PRICKLE1: variants seen among roughly 807,000 people sequenced by gnomAD.
PRICKLE1 encodes the protein prickle planar cell polarity protein 1, also known as prickle-like protein 1.
PRICKLE1 carries 14 observed loss-of-function variants against 70.2 expected under a neutral mutation model. That is an observed-to-expected ratio of 0.20 (90% CI 0.13 to 0.31). The LOEUF (loss-of-function observed/expected upper bound fraction) is 0.31, where lower values mean the gene tolerates loss of function less well. PRICKLE1 is among the 10% of genes least tolerant of loss of function. The pLI, the probability that PRICKLE1 is intolerant of heterozygous loss-of-function variation, is 1.00. For missense variants in PRICKLE1, 821 were observed against 1,026.2 expected (o/e 0.80, Z 2.73); for synonymous variants, 357 against 379.9 (o/e 0.94, Z 0.70).
rs561019901 is a variant in PRICKLE1, at chr12:42,530,003, G to A, written c.-48-57439C>T. Among the ~76,000 whole-genome samples, 82 of 148,280 alleles carry A rather than the reference G, an allele frequency of 5.5e-4. 1 individual carries two copies. Among genetic ancestry groups the A allele is most frequent in the South Asian group, 1.1e-3 (5 of 4,734 alleles). ...ACTCTGTCATCCAGGCTGGAGTGCA[G>A]TGGCACTATCTTGGCCACTGCAACC... On this transcript the variant is annotated intron_variant, in intron 1 of 7. Transcript: ENST00000345127.
chr12:42,567,321 G>A (rs1477852820), intron 1 of PRICKLE1, among the ~76,000 whole-genome samples: 1 of 152,182 alleles, frequency 6.6e-6, no homozygotes, highest in Admixed American at 6.5e-5. Context: ...TGTACTTTGT[G>A]AACTTGTTTT....
chr12:42,458,761 C>T lies in PRICKLE1; in HGVS notation c.*1048G>A, dbSNP rs1235854933. On this transcript the variant is annotated 3_prime_UTR_variant, in exon 8 of 8. Coordinates refer to ENST00000345127, the MANE Select transcript of PRICKLE1 (RefSeq NM_153026.3). ...TGCTGAAAATGAGAAAGGCACCCCC[C>T]GCAGGCAGGGGGAAAAAACCCACTC... The T allele has an allele frequency of 2.6e-5, 4 of 152,230 alleles. No homozygotes were observed. The highest frequency in any genetic ancestry group is 1.9e-4 in the East Asian group (1 of 5,202). 9.4% of individuals were successfully genotyped at this position (152,230 alleles called of 1,614,324 possible).
intron 1 of PRICKLE1, among the ~76,000 whole-genome samples, chr12:42,558,790 T>C (rs1452674465): frequency 1.3e-5 from 2 of 152,310 alleles, no homozygotes; most frequent in East Asian, 1.9e-4. Flanking sequence ...TGATATTGTA[T>C]AAAACTCAGC....
rs566928455 is a variant in PRICKLE1 at position 42,522,773 on chromosome 12, G to A, written c.-48-50209C>T. 3.1e-4 allele frequency among the ~76,000 whole-genome samples: 47 copies of A among 152,122 alleles called. 1 individual carries two copies. The highest frequency in any genetic ancestry group is 8.3e-4 in the South Asian group (4 of 4,824). On this transcript the variant is annotated intron_variant, in intron 1 of 7. Transcript: ENST00000345127. The stretch of plus-strand genomic sequence containing the variant: ...TAGCAAATAGAATCTTTTTTAAAGC[G>A]GAAAATTGGCAGTTATTTTTAAAGT...
At chr12:42,563,192 AAAT>A (rs1940549493) in intron 1 of PRICKLE1, among the ~76,000 whole-genome samples, 1 of 151,878 alleles carries the variant, frequency 6.6e-6, no homozygotes, top group African/African-American at 2.4e-5. Flanking sequence ...CAAAAAAAAA[AAAT>A]TTTTTTTGAA....
intron 1 of PRICKLE1, among the ~76,000 whole-genome samples, chr12:42,497,879 C>A (rs963237707): frequency 2.6e-5 from 4 of 152,170 alleles, no homozygotes; most frequent in African/African-American, 9.7e-5. Context: ...ACGGCTGCTG[C>A]CTGCCCATGT....
Position 42,465,081 on chromosome 12 carries a change from G to T in PRICKLE1, c.953C>A (p.Ser318Tyr). 1 of 1,567,422 alleles carries T rather than the reference G, an allele frequency of 6.4e-7. No homozygotes were observed. Among genetic ancestry groups the T allele is most frequent in the South Asian group, 1.2e-5 (1 of 81,462 alleles). Residue 318 changes from serine (S) to tyrosine (Y), a missense_variant, in exon 7 of 8, where the codon TCC becomes TAC. Ser to Tyr is a moderately radical substitution (Grantham distance 144). Transcript: ENST00000345127. ...TCGAGCTGACTGAAATGCAGAGTCG[G>T]AAGAATCAGAGGCATGGACGTCTTC... ...LGEDVHASDSSDSAFQSARSR... is the reference protein window; with the variant it reads ...LGEDVHASDSYDSAFQSARSR...
chr12:42,550,583 GAA>G (rs903122635), intron 1 of PRICKLE1, among the ~76,000 whole-genome samples: 4 of 152,266 alleles, frequency 2.6e-5, no homozygotes, highest in Admixed American at 6.5e-5. Flanking sequence ...GGCATTTGTG[GAA>G]AAGACATAAC....
At chr12:42,523,567 T>C (rs1441706297) in intron 1 of PRICKLE1, among the ~76,000 whole-genome samples, 1 of 152,202 alleles carries the variant, frequency 6.6e-6, no homozygotes, top group Non-Finnish European at 1.5e-5. Flanking sequence ...GTAGCAGCAA[T>C]GAATTTTCAC....
intron 1 of PRICKLE1, among the ~76,000 whole-genome samples, chr12:42,576,292 A>G (rs1404921529): frequency 6.6e-6 from 1 of 152,266 alleles, no homozygotes; most frequent in Non-Finnish European, 1.5e-5. Context: ...GGTTAGGAAA[A>G]GAGGCAAAAG....
chr12:42,512,518 T>C (rs763421787), intron 1 of PRICKLE1, among the ~76,000 whole-genome samples: 1 of 152,214 alleles, frequency 6.6e-6, no homozygotes, highest in African/African-American at 2.4e-5. Flanking sequence ...GCAAGCATTT[T>C]AGTGTGCCTA....
chr12:42,514,871 C>G (rs970537540), intron 1 of PRICKLE1, among the ~76,000 whole-genome samples: 1 of 147,246 alleles, frequency 6.8e-6, no homozygotes. Context: ...ACTACTCTAA[C>G]TTTTTTTAAG....
chr12:42,505,432 T>C (rs1478015726), intron 1 of PRICKLE1, among the ~76,000 whole-genome samples: 2 of 152,122 alleles, frequency 1.3e-5, no homozygotes, highest in Non-Finnish European at 2.9e-5. Flanking sequence ...TGCCTTTGTT[T>C]TTTTGTTTTT....
chr12:42,459,840 C>T lies in PRICKLE1; in HGVS notation c.2465G>A (p.Gly822Glu). ...QRTTKSKKKK[G>E]HKGKNCIIS ...AATAATACAATTTTTGCCCTTGTGTCCCTTTTTCTTCTTGGATTTTGTTGT... is the reference window on the plus strand; with the variant it reads ...AATAATACAATTTTTGCCCTTGTGTTCCTTTTTCTTCTTGGATTTTGTTGT... The change falls in exon 8 of 8, where the codon GGA becomes GAA. Residue 822 changes from glycine (G) to glutamate (E), a missense_variant. By Grantham distance (98) the Gly-to-Glu change is moderately conservative. Transcript: ENST00000345127. 6.2e-7 allele frequency: 1 copy of T among 1,614,144 alleles called. No homozygotes were observed. Among genetic ancestry groups the T allele is most frequent in the Non-Finnish European group, 8.5e-7 (1 of 1,180,028 alleles).
At chr12:42,476,425 G>C (rs528182635) in intron 1 of PRICKLE1, among the ~76,000 whole-genome samples, 1 of 151,674 alleles carries the variant, frequency 6.6e-6, no homozygotes, top group Non-Finnish European at 1.5e-5. Context: ...TAGGTGATCT[G>C]CCCACTTCGG....
At chr12:42,532,011 T>G (rs1229505282) in intron 1 of PRICKLE1, among the ~76,000 whole-genome samples, 1 of 151,810 alleles carries the variant, frequency 6.6e-6, no homozygotes, top group African/African-American at 2.4e-5. Flanking sequence ...AATAAATAAA[T>G]AAATTAGCCG....
chr12:42,547,037 C>T (rs1216145762), intron 1 of PRICKLE1, among the ~76,000 whole-genome samples: 2 of 152,184 alleles, frequency 1.3e-5, no homozygotes, highest in Non-Finnish European at 2.9e-5. Flanking sequence ...GAATTAGCTG[C>T]AAGTTCCAAG....
intron 1 of PRICKLE1, among the ~76,000 whole-genome samples, chr12:42,477,152 C>T (rs1469354241): frequency 6.6e-6 from 1 of 151,890 alleles, no homozygotes; most frequent in Non-Finnish European, 1.5e-5. Context: ...GCGGGTGGAT[C>T]ACCTGAGGTT....
At chr12:42,559,566 GTA>G (rs1266492801) in intron 1 of PRICKLE1, among the ~76,000 whole-genome samples, 1 of 138,882 alleles carries the variant, frequency 7.2e-6, no homozygotes, top group African/African-American at 2.6e-5. Context: ...AAACACAAAT[GTA>G]TATATATATG....
Sources: allele counts gnomAD v4.1 joint callset (sites outside exome capture counted in the v4.1 genomes callset), GRCh38; gene constraint gnomAD v4.1.1; transcripts MANE v1.5; gene names NCBI Gene and HGNC (gene_info 2026-07-23, HGNC 2026-07-21).